WDR33: variants seen among roughly 807,000 people sequenced by gnomAD.
WDR33 encodes WD repeat domain 33.
Under a neutral mutation model 164.9 loss-of-function variants are expected in WDR33, and 47 were observed. That is an observed-to-expected ratio of 0.29 (90% CI 0.23 to 0.36). The LOEUF is 0.36. Ranked by LOEUF, WDR33 falls within the 10% of genes least tolerant of loss-of-function variation. WDR33 has a pLI of 1.00. For missense variants in WDR33, 1,137 were observed against 1,754.1 expected (o/e 0.65, Z 6.28); for synonymous variants, 505 against 589.0 (o/e 0.86, Z 2.06).
At chr2:127,746,670 T>A (rs1358997758) in intron 7 of WDR33, among the ~76,000 whole-genome samples, 2 of 152,206 alleles carry the variant, frequency 1.3e-5, no homozygotes, top group African/African-American at 2.4e-5. Context: ...AGCTGAGTGA[T>A]GTTTAAAGTT....
At chr2:127,785,920 T>C (rs948372999) in intron 1 of WDR33, among the ~76,000 whole-genome samples, 1 of 152,278 alleles carries the variant, frequency 6.6e-6, no homozygotes, top group Non-Finnish European at 1.5e-5. Context: ...GGTGTACCAT[T>C]CTGCATTCCA....
chr2:127,701,331 G>C lies in WDR33; in HGVS notation c.*4992C>G. 2.4e-6 allele frequency: 1 copy of C among 414,808 alleles called. No homozygotes were observed. The highest frequency in any genetic ancestry group is 4.6e-5 in the Admixed American group (1 of 21,626). The allele number at this position is 414,808 out of a possible 1,614,324, so 25.7% of individuals were successfully genotyped here. On this transcript the variant is annotated 3_prime_UTR_variant, in exon 22 of 22. Coordinates refer to ENST00000322313, the MANE Select transcript of WDR33 (RefSeq NM_018383.5). ...AGGCGCTGGGAGGGCGACTGCAAGCGGACAGGCAGCACCTGCGACCACGGT... is the reference window on the plus strand; with the variant it reads ...AGGCGCTGGGAGGGCGACTGCAAGCCGACAGGCAGCACCTGCGACCACGGT...
At chr2:127,796,570 C>A (rs1240277741) in intron 1 of WDR33, among the ~76,000 whole-genome samples, 9 of 152,030 alleles carry the variant, frequency 5.9e-5, no homozygotes, top group African/African-American at 1.7e-4. Context: ...AAAATCATTT[C>A]TTGGGCTCTT....
At position 127,708,720 on chromosome 2, in the gene WDR33, C is replaced by T. The variant is rs1485730198; in HGVS notation, c.3738G>A (p.Glu1246=). Residue 1246 remains glutamate, a synonymous_variant, in exon 21 of 22, where the codon GAG becomes GAA. Transcript: ENST00000322313. The surrounding 1 kb of genome is among the most constrained non-coding windows in gnomAD (Gnocchi z 6.7). The part of the protein sequence containing the change: ...HDGPGTSEHR[E]MEAPGGPSED... ...CAGAAGGGCCTCCTGGGGCCTCCAT[C>T]TCTCTGTGCTCAGAAGTGCCTGGGC... is the stretch of plus-strand genomic sequence containing the variant. 3 of 1,612,798 alleles carry T rather than the reference C, an allele frequency of 1.9e-6. No individual in the cohort carries two copies.
rs1687002021 is a variant in WDR33 at position 127,741,111 on chromosome 2, C to T, written c.725-14334G>A. 1.3e-5 allele frequency among the ~76,000 whole-genome samples: 2 copies of T among 152,202 alleles called. No individual in the cohort carries two copies. The highest frequency in any genetic ancestry group is 1.5e-5 in the Non-Finnish European group (1 of 68,030). On this transcript the variant is annotated intron_variant, in intron 7 of 21. Coordinates refer to ENST00000322313, the MANE Select transcript of WDR33 (RefSeq NM_018383.5). This position sits in a 1 kb window ranked among gnomAD's most constrained non-coding sequence, Gnocchi z 4.1. ...GACTTGTCCAGGTTGTCCCTCCTGA[C>T]TTCCTGTTTCTGTAGAACAGATGCT...
chr2:127,745,081 A>C (rs1298736614), intron 7 of WDR33, among the ~76,000 whole-genome samples: 1 of 152,162 alleles, frequency 6.6e-6, no homozygotes, highest in Non-Finnish European at 1.5e-5. Context: ...TGATCACAGG[A>C]CCAGATATAG....
intron 1 of WDR33, among the ~76,000 whole-genome samples, chr2:127,781,169 A>T (rs1425126595): frequency 6.6e-6 from 1 of 152,162 alleles, no homozygotes; most frequent in Non-Finnish European, 1.5e-5. Flanking sequence ...CGGCCCAATT[A>T]ATAGCTTTTT....
chr2:127,720,393 G>A lies in WDR33; in HGVS notation c.1672-40C>T, dbSNP rs1686408499. On this transcript the variant is annotated intron_variant, in intron 15 of 21. Transcript: ENST00000322313. This position sits in a 1 kb window ranked among gnomAD's most constrained non-coding sequence, Gnocchi z 5.9. ...AGAAAAAAGCATGTTGAATAAACAGGCCAGAGCCCTTGAAGATGACAATAT... is the reference window on the plus strand; with the variant it reads ...AGAAAAAAGCATGTTGAATAAACAGACCAGAGCCCTTGAAGATGACAATAT... The A allele has an allele frequency of 1.3e-6, 2 of 1,495,286 alleles. No individual in the cohort carries two copies. Among genetic ancestry groups the A allele is most frequent in the East Asian group, 4.6e-5 (2 of 43,314 alleles). The allele number at this position is 1,495,286 out of a possible 1,614,324, so 92.6% of individuals were successfully genotyped here.
At chr2:127,729,584 C>T (rs1453293810) in intron 7 of WDR33, among the ~76,000 whole-genome samples, 1 of 152,052 alleles carries the variant, frequency 6.6e-6, no homozygotes, top group Non-Finnish European at 1.5e-5. Flanking sequence ...CAACCTCCGC[C>T]TCCCGGGTTC....
intron 1 of WDR33, among the ~76,000 whole-genome samples, chr2:127,788,676 G>A (rs1366290032): frequency 7.8e-4 from 115 of 147,830 alleles, no homozygotes; most frequent in South Asian, 1.5e-3. Flanking sequence ...CCTCCCGGAC[G>A]GCACGGCTGG....
At chr2:127,754,858 A>G (rs1017291130) in intron 7 of WDR33, among the ~76,000 whole-genome samples, 1 of 152,166 alleles carries the variant, frequency 6.6e-6, no homozygotes, top group Non-Finnish European at 1.5e-5. Context: ...TATTCTTTAA[A>G]TATCTGAAAA....
rs570210948 is a variant in WDR33 at position 127,711,757 on chromosome 2, T to G, written c.3308+1826A>C. Among the ~76,000 whole-genome samples, 16 of 76,010 alleles carry G rather than the reference T, an allele frequency of 2.1e-4. 1 individual carries two copies. The highest frequency in any genetic ancestry group is 1.7e-3 in the African/African-American group (14 of 8,362). The allele number at this position is 76,010 out of a possible 152,430, so 49.9% of individuals were successfully genotyped here. A position where few individuals can be genotyped will look rare whatever the true frequency, so the allele number is the denominator to read the frequency against. ...TAACTCAACCACATATACAGATATA[T>G]ATATATATATATATATATATATATT... is the stretch of plus-strand genomic sequence containing the variant. On this transcript the variant is annotated intron_variant, in intron 18 of 21. Coordinates refer to ENST00000322313, the MANE Select transcript of WDR33 (RefSeq NM_018383.5).
intron 1 of WDR33, among the ~76,000 whole-genome samples, chr2:127,796,624 T>C (rs1487741600): frequency 6.6e-6 from 1 of 152,040 alleles, no homozygotes; most frequent in Non-Finnish European, 1.5e-5. Context: ...TCATTTCCTC[T>C]TTCCTGTTTC....
Position 127,717,676 on chromosome 2 carries a change from A to C in WDR33, c.2761-413T>G, listed in dbSNP as rs1469983848. ...CATCAGGCAACTTCTGAGATCTGAAATGCCCTACAAAGTATCAGATCTTCA... is the reference window on the plus strand; with the variant it reads ...CATCAGGCAACTTCTGAGATCTGAACTGCCCTACAAAGTATCAGATCTTCA... On this transcript the variant is annotated intron_variant, in intron 16 of 21. Transcript: ENST00000322313. The surrounding 1 kb of genome is among the most constrained non-coding windows in gnomAD (Gnocchi z 5.6). 6.6e-6 allele frequency among the ~76,000 whole-genome samples: 1 copy of C among 152,250 alleles called. No homozygotes were observed. Among genetic ancestry groups the C allele is most frequent in the Admixed American group, 6.5e-5 (1 of 15,288 alleles).
intron 7 of WDR33, among the ~76,000 whole-genome samples, chr2:127,730,747 A>G (rs535680809): frequency 3.0e-4 from 46 of 152,346 alleles, no homozygotes; most frequent in Middle Eastern, 3.4e-3. Context: ...TATGGTTACC[A>G]AAATGCAGAT....
intron 1 of WDR33, 122 bp from the exon 2 acceptor site, chr2:127,771,126 A>T: frequency 1.3e-6 from 1 of 747,808 alleles, no homozygotes; most frequent in Non-Finnish European, 2.1e-6. Context: ...ATTTCCACTT[A>T]CACAATGAAC....
At chr2:127,802,414 T>C (rs1351455485) in intron 1 of WDR33, among the ~76,000 whole-genome samples, 14 of 152,210 alleles carry the variant, frequency 9.2e-5, no homozygotes, top group Non-Finnish European at 2.9e-5. Flanking sequence ...TCAGAGTAGC[T>C]GGGATTACAG....
chr2:127,710,026 C>T lies in WDR33; in HGVS notation c.3309-170G>A, dbSNP rs1001391103. ...GATACATTATATAATCCTATTAATA[C>T]TATCAGAGGCAAAAACAGACCAGAA... On this transcript the variant is annotated intron_variant, in intron 18 of 21. Transcript: ENST00000322313. This position sits in a 1 kb window ranked among gnomAD's most constrained non-coding sequence, Gnocchi z 4.4. Among the ~76,000 whole-genome samples, 1 of 152,218 alleles carries T rather than the reference C, an allele frequency of 6.6e-6. No homozygotes were observed. The highest frequency in any genetic ancestry group is 2.4e-5 in the African/African-American group (1 of 41,438).
rs1161894791 is a variant in WDR33 at position 127,714,869 on chromosome 2, A to G, written c.2870-848T>C. Among the ~76,000 whole-genome samples, 3 of 152,296 alleles carry G rather than the reference A, an allele frequency of 2.0e-5. No individual in the cohort carries two copies. Among genetic ancestry groups the G allele is most frequent in the East Asian group, 3.9e-4 (2 of 5,184 alleles). ...TTTACCTATTTTTGGTTAACATACA[A>G]TTTAAATCAAACACTTTTTAAAAGT... is the stretch of plus-strand genomic sequence containing the variant. On this transcript the variant is annotated intron_variant, in intron 17 of 21. Transcript: ENST00000322313. The surrounding 1 kb of genome is among the most constrained non-coding windows in gnomAD (Gnocchi z 4.3).
Sources: gnomAD v4.1 joint callset for allele counts (sites outside exome capture counted in the v4.1 genomes callset) on GRCh38, gnomAD v4.1.1 for gene constraint, Gnocchi (gnomAD v3.1) non-coding constraint, MANE v1.5 for transcripts, NCBI Gene and HGNC (gene_info 2026-07-23, HGNC 2026-07-21) for gene names.